RBFOX1: variants seen among roughly 807,000 people sequenced by gnomAD.
RBFOX1 encodes the protein RNA binding fox-1 homolog 1, also known as RNA binding protein fox-1 homolog 1.
In RBFOX1, 8 loss-of-function variants were observed where a neutral mutation model predicts 57.7. That is an observed-to-expected ratio of 0.14 (90% CI 0.08 to 0.25). RBFOX1 has a LOEUF of 0.25. Ranked by LOEUF, RBFOX1 falls within the 10% of genes least tolerant of loss-of-function variation. The pLI is 1.00. For missense variants in RBFOX1, 611 were observed against 548.5 expected (o/e 1.11, Z -1.14); for synonymous variants, 326 against 222.4 (o/e 1.47, Z -4.15).
chr16:6,526,912 G>A (rs2096588658), intron 2 of RBFOX1, among the ~76,000 whole-genome samples: 1 of 147,340 alleles, frequency 6.8e-6, no homozygotes. Flanking sequence ...CTATCCCCAT[G>A]GTACATAAAA....
intron 2 of RBFOX1, among the ~76,000 whole-genome samples, chr16:5,494,827 C>A (rs1041645650): frequency 1.3e-5 from 2 of 152,164 alleles, no homozygotes; most frequent in African/African-American, 4.8e-5. Context: ...TGAAAATGAT[C>A]ACGATGATTG....
intron 3 of RBFOX1, among the ~76,000 whole-genome samples, chr16:7,016,041 G>C (rs1167888335): frequency 3.9e-5 from 6 of 152,090 alleles, no homozygotes; most frequent in African/African-American, 4.8e-5. Context: ...ACACTTCCTA[G>C]TCACTCATTG....
chr16:6,997,550 G>T (rs1056487810), intron 3 of RBFOX1, among the ~76,000 whole-genome samples: 1 of 152,132 alleles, frequency 6.6e-6, no homozygotes, highest in Non-Finnish European at 1.5e-5. Context: ...AGAGTTTAAT[G>T]TGTATGCAAA....
chr16:6,740,709 G>A (rs2154182145), intron 3 of RBFOX1, among the ~76,000 whole-genome samples: 1 of 152,290 alleles, frequency 6.6e-6, no homozygotes, highest in East Asian at 1.9e-4. Context: ...AAATGCTGAT[G>A]AAAAAGGCCA....
chr16:5,429,030 C>T (rs1358976358), intron 1 of RBFOX1, among the ~76,000 whole-genome samples: 1 of 152,136 alleles, frequency 6.6e-6, no homozygotes, highest in East Asian at 1.9e-4. Context: ...GAGGTTCCAC[C>T]CGCTACGAAG....
At chr16:7,457,759 CA>C (rs1313388243) in intron 4 of RBFOX1, among the ~76,000 whole-genome samples, 1 of 152,040 alleles carries the variant, frequency 6.6e-6, no homozygotes, top group East Asian at 1.9e-4. Context: ...TTCTTGTGTG[CA>C]GTCTGGAAGG....
rs2152346768 is a variant in RBFOX1, at chr16:6,019,704, G to A, written c.-415G>A. The A allele has an allele frequency of 7.4e-7, 1 of 1,346,842 alleles. No individual in the cohort carries two copies. Among genetic ancestry groups the A allele is most frequent in the Non-Finnish European group, 9.5e-7 (1 of 1,049,078 alleles). The allele number at this position is 1,346,842 out of a possible 1,614,324, so 83.4% of individuals were successfully genotyped here. On this transcript the variant is annotated 5_prime_UTR_variant, in exon 1 of 16. Transcript: ENST00000550418. The surrounding 1 kb of genome is among the most constrained non-coding windows in gnomAD (Gnocchi z 4.2). Reference sequence around the variant, plus strand: ...GAACTCCGAGCTTCTTGCCCAGGCAGAGAGAGCAGGAGCGGACCGCGCGCC... The same window carrying A: ...GAACTCCGAGCTTCTTGCCCAGGCAAAGAGAGCAGGAGCGGACCGCGCGCC...
chr16:6,398,219 C>G (rs899056199), intron 2 of RBFOX1, among the ~76,000 whole-genome samples: 2 of 152,152 alleles, frequency 1.3e-5, no homozygotes, highest in African/African-American at 4.8e-5. Context: ...TCAATTACTT[C>G]CCACCGGGTT....
At chr16:6,493,868 T>C (rs902814782) in intron 2 of RBFOX1, among the ~76,000 whole-genome samples, 3 of 152,204 alleles carry the variant, frequency 2.0e-5, no homozygotes, top group Admixed American at 6.5e-5. Context: ...GTATAAACTA[T>C]GCAACGTTAA....
At chr16:5,921,966 A>G (rs1330521223) in intron 4 of RBFOX1, among the ~76,000 whole-genome samples, 1 of 151,704 alleles carries the variant, frequency 6.6e-6, no homozygotes, top group East Asian at 1.9e-4. Context: ...AGCATGAGCA[A>G]CACAGCTGGA....
intron 4 of RBFOX1, among the ~76,000 whole-genome samples, chr16:7,335,972 G>C (rs2096779244): frequency 6.6e-6 from 1 of 152,228 alleles, no homozygotes; most frequent in Non-Finnish European, 1.5e-5. Context: ...AAGGATAAGA[G>C]TAGTATTCCC....
chr16:6,673,831 A>G (rs148921450), intron 3 of RBFOX1, among the ~76,000 whole-genome samples: 1 of 152,296 alleles, frequency 6.6e-6, no homozygotes, highest in East Asian at 1.9e-4. Flanking sequence ...ATGATAGCCA[A>G]GACAGTGCTA....
Position 6,234,157 on chromosome 16 carries a change from CT to C in RBFOX1, c.-126-82834del, listed in dbSNP as rs1465814663. On this transcript the variant is annotated intron_variant, in intron 1 of 15. Coordinates refer to ENST00000550418, the MANE Select transcript of RBFOX1 (RefSeq NM_018723.4). ...CAGTCACCTCTTAAAGCCCCCACCT[CT>C]TTTCACCATCACAGTGGCATTAAGT... Among the ~76,000 whole-genome samples, 3 of 152,200 alleles carry C rather than the reference CT, an allele frequency of 2.0e-5. No individual in the cohort carries two copies. The East Asian group carries it at 5.8e-4, about 29-fold the overall frequency.
At chr16:5,752,207 T>G (rs538687860) in intron 3 of RBFOX1, among the ~76,000 whole-genome samples, 186 of 152,154 alleles carry the variant, frequency 1.2e-3, no homozygotes, top group African/African-American at 4.0e-3. Context: ...TACTTAGAAG[T>G]GGTAGCTGAA....
chr16:6,779,750 TAC>T (rs1264428712), intron 3 of RBFOX1, among the ~76,000 whole-genome samples: 1 of 30,292 alleles, frequency 3.3e-5, no homozygotes, highest in African/African-American at 1.1e-4. Context: ...TTTTTATATA[TAC>T]TTTTATATAT....
chr16:6,581,181 CT>C (rs978094598), intron 2 of RBFOX1, among the ~76,000 whole-genome samples: 3 of 152,136 alleles, frequency 2.0e-5, no homozygotes, highest in African/African-American at 4.8e-5. Flanking sequence ...ACGCCCACCC[CT>C]AATGAAGCAT....
At chr16:5,921,536 C>T (rs1448125606) in intron 4 of RBFOX1, among the ~76,000 whole-genome samples, 1 of 152,022 alleles carries the variant, frequency 6.6e-6, no homozygotes, top group Non-Finnish European at 1.5e-5. Context: ...GAGCCAGTCA[C>T]TGATATTGAT....
chr16:5,847,951 G>C (rs1000127950), intron 3 of RBFOX1, among the ~76,000 whole-genome samples: 8 of 152,152 alleles, frequency 5.3e-5, no homozygotes, highest in African/African-American at 1.9e-4. Flanking sequence ...TCTGGTCTTT[G>C]AGGAGCTCTA....
At chr16:7,112,632 G>T (rs2065026745) in intron 4 of RBFOX1, among the ~76,000 whole-genome samples, 1 of 145,398 alleles carries the variant, frequency 6.9e-6, no homozygotes, top group Non-Finnish European at 1.5e-5. Context: ...AAAATTTAAG[G>T]TTATCTTAAA....
Sources: gnomAD v4.1 joint callset for allele counts (sites outside exome capture counted in the v4.1 genomes callset) on GRCh38, gnomAD v4.1.1 for gene constraint, Gnocchi (gnomAD v3.1) non-coding constraint, MANE v1.5 for transcripts, NCBI Gene and HGNC (gene_info 2026-07-23, HGNC 2026-07-21) for gene names.